Variants in FAAH2 observed in about 807,000 individuals in gnomAD.
The protein encoded by FAAH2 is fatty-acid amide hydrolase 2.
Under a neutral mutation model 36.9 loss-of-function variants are expected in FAAH2, and 60 were observed. The ratio of observed to expected loss-of-function variants is 1.63; its 90% CI spans 1.32 to 2.02. The LOEUF (loss-of-function observed/expected upper bound fraction) is 2.02. FAAH2 is among the 30% of genes most tolerant of loss of function. FAAH2 has a pLI of 0.00. For missense variants in FAAH2, 689 were observed against 397.5 expected, an observed-to-expected ratio of 1.73 and a Z score of -6.23; for synonymous variants, 214 against 143.8, an observed-to-expected ratio of 1.49 and a Z score of -3.49.
At chrX:57,352,231 T>G (rs1211417831) in intron 5 of FAAH2, among the ~76,000 whole-genome samples, 2 of 100,606 alleles carry the variant, frequency 2.0e-5, no homozygotes, top group Admixed American at 2.2e-4. Flanking sequence ...ACTAGCAAAG[T>G]TGAATCTAAC....
chrX:57,357,056 T>C (rs1307805107), intron 5 of FAAH2, among the ~76,000 whole-genome samples: 1 of 111,641 alleles, frequency 9.0e-6, no homozygotes, highest in Admixed American at 9.6e-5. Flanking sequence ...TTTCTGCTCC[T>C]GTGTTTGTTT....
the FAAH2 span, among the ~76,000 whole-genome samples, chrX:57,201,510 C>T: frequency 9.0e-6 from 1 of 110,525 alleles, no homozygotes; most frequent in African/African-American, 3.3e-5. Flanking sequence ...TGTCTTGTTG[C>T]TTTCAGGATC....
chrX:57,317,544 T>G (rs1232241102), intron 3 of FAAH2, among the ~76,000 whole-genome samples: 1 of 111,528 alleles, frequency 9.0e-6, no homozygotes, highest in African/African-American at 3.3e-5. Context: ...CAAAGAGACT[T>G]AGAGTCCTAC....
chrX:57,255,981 A>C, the FAAH2 span, among the ~76,000 whole-genome samples: 1 of 112,068 alleles, frequency 8.9e-6, no homozygotes, highest in Non-Finnish European at 1.9e-5. Flanking sequence ...AGAGGAAGTC[A>C]AATTGTCTCT....
intron 5 of FAAH2, among the ~76,000 whole-genome samples, chrX:57,372,539 T>C (rs1424076431): frequency 9.0e-6 from 1 of 111,141 alleles, no homozygotes; most frequent in African/African-American, 3.3e-5. Context: ...TCCAATTGAA[T>C]ATCTTTATTT....
the FAAH2 span, among the ~76,000 whole-genome samples, chrX:57,224,380 C>T: frequency 2.7e-5 from 3 of 111,726 alleles, no homozygotes; most frequent in East Asian, 8.4e-4. Context: ...CCCCCTATGT[C>T]ATGCCTGAAG....
At chrX:57,257,459 C>T in the FAAH2 span, among the ~76,000 whole-genome samples, 1 of 110,188 alleles carries the variant, frequency 9.1e-6, no homozygotes, top group African/African-American at 3.3e-5. Context: ...AACCATACAC[C>T]ACATGTTCTC....
At chrX:57,398,634 C>T (rs914573939) in intron 7 of FAAH2, among the ~76,000 whole-genome samples, 24 of 110,355 alleles carry the variant, frequency 2.2e-4, no homozygotes, top group African/African-American at 5.9e-4. Flanking sequence ...TTGTCGCTGC[C>T]GGCTCAAATG....
the FAAH2 span, among the ~76,000 whole-genome samples, chrX:57,207,876 G>A: frequency 7.1e-5 from 8 of 112,901 alleles, no homozygotes; most frequent in Non-Finnish European, 1.5e-4. Context: ...CTGTGTCAGG[G>A]GACAGACATT....
chrX:57,403,512 C>T (rs2055491045), intron 7 of FAAH2, among the ~76,000 whole-genome samples: 1 of 112,744 alleles, frequency 8.9e-6, no homozygotes, highest in South Asian at 3.6e-4. Flanking sequence ...AACCCATTTG[C>T]CCCATCAAGA....
intron 7 of FAAH2, among the ~76,000 whole-genome samples, chrX:57,396,107 G>T (rs1215829518): frequency 1.8e-5 from 2 of 111,199 alleles, no homozygotes; most frequent in East Asian, 5.6e-4. Context: ...ATGTTTTCTA[G>T]GTTTTCTAGT....
the FAAH2 span, chrX:57,135,170 C>A: frequency 8.7e-6 from 1 of 114,652 alleles, no homozygotes; most frequent in Admixed American, 8.9e-5. Flanking sequence ...ACACCCTAAC[C>A]CACATAGCCT....
At chrX:57,245,287 C>A in the FAAH2 span, among the ~76,000 whole-genome samples, 1 of 111,438 alleles carries the variant, frequency 9.0e-6, no homozygotes, top group Non-Finnish European at 1.9e-5. Context: ...TAGTGGGAGA[C>A]TTTAACACCC....
chrX:57,150,078 G>A, the FAAH2 span, among the ~76,000 whole-genome samples: 30 of 112,191 alleles, frequency 2.7e-4, no homozygotes, highest in South Asian at 2.6e-3. Flanking sequence ...TTTTGAGAGC[G>A]TTTCTTAATC....
At chrX:57,253,005 C>T in the FAAH2 span, among the ~76,000 whole-genome samples, 2 of 111,197 alleles carry the variant, frequency 1.8e-5, no homozygotes, top group African/African-American at 6.5e-5. Flanking sequence ...TGCAAGGAAG[C>T]TAAAAACCTT....
At chrX:57,432,765 C>T (rs2056330378) in intron 8 of FAAH2, among the ~76,000 whole-genome samples, 1 of 111,430 alleles carries the variant, frequency 9.0e-6, no homozygotes, top group Non-Finnish European at 1.9e-5. Flanking sequence ...GAGCATGACA[C>T]ATCCAAATTT....
chrX:57,333,358 C>T (rs1031926032), intron 4 of FAAH2, among the ~76,000 whole-genome samples: 1 of 111,583 alleles, frequency 9.0e-6, no homozygotes, highest in Admixed American at 9.6e-5. Context: ...TCATGTTTGG[C>T]TTTCAACAAA....
chrX:57,379,171 C>A (rs1327675746), intron 6 of FAAH2, among the ~76,000 whole-genome samples: 1 of 111,503 alleles, frequency 9.0e-6, no homozygotes, highest in African/African-American at 3.3e-5. Flanking sequence ...GAAATTGGTT[C>A]CCTAGACAGC....
chrX:57,375,414 G>A (rs111495001), intron 5 of FAAH2, among the ~76,000 whole-genome samples: 1,527 of 97,356 alleles, frequency 0.016, 13 homozygotes, highest in Middle Eastern at 0.028. Flanking sequence ...CTTGTTATTG[G>A]TCTGTTTAGA....
Sources: gnomAD v4.1 joint callset for allele counts (sites outside exome capture counted in the v4.1 genomes callset) on GRCh38, gnomAD v4.1.1 for gene constraint, MANE v1.5 for transcripts, NCBI Gene and HGNC (gene_info 2026-07-23, HGNC 2026-07-21) for gene names.